Variants in CHMP1A observed in about 807,000 individuals in gnomAD.
CHMP1A encodes the protein charged multivesicular body protein 1A, also known as VPS46 homolog A.
CHMP1A carries 17 observed loss-of-function variants against 27.0 expected under a neutral mutation model. The ratio of observed to expected loss-of-function variants is 0.63; its 90% CI spans 0.43 to 0.95. The LOEUF (loss-of-function observed/expected upper bound fraction) is 0.95, where lower values mean the gene tolerates loss of function less well. Among genes scored for constraint, CHMP1A ranks in the 40% least tolerant of loss-of-function variants. CHMP1A has a pLI of 0.00. For synonymous variants in CHMP1A, 131 were observed against 107.5 expected, an observed-to-expected ratio of 1.22 and a Z score of -1.35; for missense variants, 275 against 264.0, an observed-to-expected ratio of 1.04 and a Z score of -0.29.
At chr16:89,656,167 C>G (rs1362891467) in intron 1 of CHMP1A, among the ~76,000 whole-genome samples, 1 of 152,212 alleles carries the variant, frequency 6.6e-6, no homozygotes, top group Non-Finnish European at 1.5e-5. Context: ...GACGGAGTCT[C>G]GCTCTGTCGC....
At chr16:89,652,586 C>T (rs113775493) in intron 2 of CHMP1A, among the ~76,000 whole-genome samples, 10 of 146,744 alleles carry the variant, frequency 6.8e-5, no homozygotes, top group Admixed American at 1.3e-4. Flanking sequence ...ACCAGCACCT[C>T]GAGGAAACAG....
chr16:89,646,884 G>GGGCCCCCCC, intron 5 of CHMP1A, 170 bp from the exon 6 acceptor site: 2 of 709,058 alleles, frequency 2.8e-6, no homozygotes, highest in Non-Finnish European at 4.8e-6. Flanking sequence ...AGCCTTTCCT[G>GGGCCCCCCC]CCCCCCCACC....
chr16:89,651,578 T>C lies in CHMP1A; in HGVS notation c.96A>G (p.Lys32=), dbSNP rs778561341. Residue 32 remains lysine (K), a synonymous_variant, in exon 3 of 7, where the codon AAA becomes AAG. Transcript: ENST00000397901. ...AEKDSKAEQA[K]VKKALLQKNV... The stretch of plus-strand genomic sequence containing the variant: ...GCCCCCAGGGTCTCACCTTCTTCAC[T>C]TTGGCCTGCTCCGCCTTGGAGTCCT... 6.2e-7 allele frequency: 1 copy of C among 1,613,690 alleles called. No homozygotes were observed. Among genetic ancestry groups the C allele is most frequent in the East Asian group, 2.2e-5 (1 of 44,876 alleles).
intron 2 of CHMP1A, among the ~76,000 whole-genome samples, chr16:89,651,847 T>A (rs2059827231): frequency 6.6e-6 from 1 of 152,338 alleles, no homozygotes; most frequent in Non-Finnish European, 1.5e-5. Context: ...TGGCACCAGC[T>A]GGAGGAGGAA....
At chr16:89,652,953 A>G (rs2059836344) in intron 2 of CHMP1A, among the ~76,000 whole-genome samples, 1 of 151,918 alleles carries the variant, frequency 6.6e-6, no homozygotes, top group African/African-American at 2.4e-5. Flanking sequence ...AAATGATCTC[A>G]AAGAATGAGT....
intron 1 of CHMP1A, 22 bp from the exon 2 acceptor site, chr16:89,653,945 A>T: frequency 1.2e-6 from 2 of 1,613,060 alleles, no homozygotes; most frequent in Non-Finnish European, 1.7e-6. Context: ...GAGGGAATTA[A>T]TGGTTTGAGG....
intron 2 of CHMP1A, among the ~76,000 whole-genome samples, 181 bp downstream of exon 2, chr16:89,653,723 G>A (rs1179380724): frequency 6.6e-6 from 1 of 151,636 alleles, no homozygotes; most frequent in East Asian, 1.9e-4. Flanking sequence ...TAAGAAAAGA[G>A]CTAATATGTC....
chr16:89,647,137 C>T, intron 5 of CHMP1A, 66 bp downstream of exon 5: 1 of 1,576,552 alleles, frequency 6.3e-7, no homozygotes, highest in Admixed American at 1.8e-5. Flanking sequence ...AGCCACCCCT[C>T]CCGATGAGCT....
intron 1 of CHMP1A, among the ~76,000 whole-genome samples, chr16:89,657,318 G>T (rs1190694601): frequency 9.5e-5 from 14 of 147,440 alleles, no homozygotes; most frequent in African/African-American, 3.0e-4. Context: ...GGTATCGGGG[G>T]ACGAGGCTCG....
At chr16:89,646,177 T>TC (rs2059771839) in intron 6 of CHMP1A, 90 bp from the exon 7 acceptor site, 1 of 1,225,212 alleles carries the variant, frequency 8.2e-7, no homozygotes, top group South Asian at 1.5e-5. Context: ...CTTTTCCTCC[T>TC]CAGTGTCCTG....
At chr16:89,648,609 A>G (rs924922961) in intron 4 of CHMP1A, among the ~76,000 whole-genome samples, 2 of 152,166 alleles carry the variant, frequency 1.3e-5, no homozygotes, top group African/African-American at 4.8e-5. Flanking sequence ...GGCCAGGTAC[A>G]GTGACAGTGA....
rs773181113 is a variant in CHMP1A, at chr16:89,652,972, C to A, written c.27+932G>T. Among the ~76,000 whole-genome samples, 3 of 151,054 alleles carry A rather than the reference C, an allele frequency of 2.0e-5. No individual in the cohort carries two copies. In the South Asian group the frequency reaches 6.3e-4, roughly 32 times the overall value. ...GATCTCAAAGAATGAGTCCACACAG[C>A]GGAACACCAAGGCCTAATGCCCAAG... On this transcript the variant is annotated intron_variant, in intron 2 of 6. Transcript: ENST00000397901.
chr16:89,645,453 CTGAGGGAAG>C lies in CHMP1A; in HGVS notation c.*604_*612del, dbSNP rs2059766441. The C allele has an allele frequency of 6.0e-6, 1 of 167,514 alleles. No homozygotes were observed. Among genetic ancestry groups the C allele is most frequent in the African/African-American group, 2.4e-5 (1 of 41,468 alleles). 10.4% of individuals were successfully genotyped at this position (167,514 alleles called of 1,614,324 possible). A position where few individuals can be genotyped will look rare whatever the true frequency, so the allele number is the denominator to read the frequency against. On this transcript the variant is annotated 3_prime_UTR_variant, in exon 7 of 7. Transcript: ENST00000397901. ...CCCATGGACTGGGCAGCTTTGGGAA[CTGAGGGAAG>C]TGAGGGAGCGCAGGAGGCCAGGGGG...
rs778633513 is a variant in CHMP1A, at chr16:89,657,635, A to C, written c.-47T>G. The C allele has an allele frequency of 6.2e-7, 1 of 1,607,996 alleles. No homozygotes were observed. The highest frequency in any genetic ancestry group is 1.7e-5 in the Admixed American group (1 of 59,792). ...ACTCGGAGAGGGAGAAGGGACGCCA[A>C]CTCCGGGCGGTGTCAGGTCCCGGCG... On this transcript the variant is annotated 5_prime_UTR_variant, in exon 1 of 7. Coordinates refer to ENST00000397901, the MANE Select transcript of CHMP1A (RefSeq NM_002768.5).
Position 89,646,529 on chromosome 16 carries a change from C to T in CHMP1A, c.567G>A (p.Arg189=), listed in dbSNP as rs775515188. The part of the protein sequence containing the change: ...SVRSQEDQLS[R]RLAALRN Reference sequence around the variant, plus strand: ...AGCGTTTCGGGGACCGACCCTACCTCCGTGACAGCTGGTCCTCCTGGCTGC... The same window carrying T: ...AGCGTTTCGGGGACCGACCCTACCTTCGTGACAGCTGGTCCTCCTGGCTGC... The change falls in exon 6 of 7, where the codon CGG becomes CGA. Residue 189 remains arginine (R), a splice_region_variant and synonymous_variant. Coordinates refer to ENST00000397901, the MANE Select transcript of CHMP1A (RefSeq NM_002768.5). 6 of 1,577,660 alleles carry T rather than the reference C, an allele frequency of 3.8e-6. No homozygotes were observed. The highest frequency in any genetic ancestry group is 5.2e-6 in the Non-Finnish European group (6 of 1,162,412).
intron 1 of CHMP1A, 121 bp downstream of exon 1, chr16:89,657,461 C>T: frequency 1.6e-6 from 2 of 1,247,880 alleles, no homozygotes; most frequent in South Asian, 1.3e-5. Context: ...GGGGGATCGA[C>T]GGTCGAGGCC....
intron 3 of CHMP1A, among the ~76,000 whole-genome samples, chr16:89,650,901 G>GT (rs2059818690): frequency 6.6e-6 from 1 of 152,164 alleles, no homozygotes; most frequent in African/African-American, 2.4e-5. Flanking sequence ...TGCAAAGAAG[G>GT]AAAACAATGA....
intron 5 of CHMP1A, 168 bp from the exon 6 acceptor site, chr16:89,646,882 C>T: frequency 1.3e-6 from 1 of 751,420 alleles, no homozygotes; most frequent in Non-Finnish European, 2.2e-6. Flanking sequence ...GGAGCCTTTC[C>T]TGCCCCCCCA....
rs199628110 is a variant in CHMP1A, at chr16:89,649,399, G to A, written c.204C>T (p.Arg68=). ...EGVNWLRMAS[R]VDAVASKVQT... is the part of the protein sequence containing the mutation. Reference sequence around the variant, plus strand: ...GCACCTTGGAGGCCACTGCGTCTACGCGGGACGCCATCCGAAGCCAGTTCA... The same window carrying A: ...GCACCTTGGAGGCCACTGCGTCTACACGGGACGCCATCCGAAGCCAGTTCA... The change falls in exon 4 of 7, where the codon CGC becomes CGT. Residue 68 remains arginine, a synonymous_variant. Transcript: ENST00000397901. 393 of 1,613,674 alleles carry A rather than the reference G, an allele frequency of 2.4e-4. No homozygotes were observed. The highest frequency in any genetic ancestry group is 1.6e-3 in the South Asian group (145 of 91,086).
Sources: gnomAD v4.1 joint callset for allele counts (sites outside exome capture counted in the v4.1 genomes callset) on GRCh38, gnomAD v4.1.1 for gene constraint, MANE v1.5 for transcripts, NCBI Gene and HGNC (gene_info 2026-07-23, HGNC 2026-07-21) for gene names.